The following UNC13C variants were observed in gnomAD, a reference collection of about 807,000 sequenced individuals.
UNC13C encodes protein unc-13 homolog C.
UNC13C carries 174 observed loss-of-function variants against 245.4 expected under a neutral mutation model. The ratio of observed to expected loss-of-function variants is 0.71; its 90% CI spans 0.63 to 0.80. The LOEUF is 0.80. UNC13C is among the 30% of genes least tolerant of loss of function. The pLI is 0.00. For missense variants in UNC13C, 2,829 were observed against 2,602.9 expected, an observed-to-expected ratio of 1.09 and a Z score of -1.89; for synonymous variants, 992 against 895.1, an observed-to-expected ratio of 1.11 and a Z score of -1.93.
intron 20 of UNC13C, among the ~76,000 whole-genome samples, chr15:54,498,643 T>C (rs1409886410): frequency 6.6e-6 from 1 of 152,126 alleles, no homozygotes; most frequent in Non-Finnish European, 1.5e-5. Context: ...GAAAATCATA[T>C]ATAAATTGTA....
intron 4 of UNC13C, among the ~76,000 whole-genome samples, chr15:54,177,069 G>A (rs80251694): frequency 0.03 from 4,515 of 152,034 alleles, 225 homozygotes; most frequent in African/African-American, 0.1. Context: ...CTAGAAATCT[G>A]AAAACCTAAA....
the UNC13C span, among the ~76,000 whole-genome samples, chr15:53,878,282 T>A: frequency 6.6e-6 from 1 of 152,186 alleles, no homozygotes; most frequent in Non-Finnish European, 1.5e-5. Context: ...AAGCTGTGCC[T>A]TCTGAATCCA....
intron 15 of UNC13C, among the ~76,000 whole-genome samples, chr15:54,332,989 C>A (rs939168423): frequency 2.0e-5 from 3 of 151,884 alleles, no homozygotes; most frequent in Non-Finnish European, 4.4e-5. Context: ...AACCATTAAG[C>A]CATTGAGAGA....
At chr15:54,415,254 T>A (rs955213219) in intron 19 of UNC13C, among the ~76,000 whole-genome samples, 187 bp downstream of exon 19, 1 of 152,100 alleles carries the variant, frequency 6.6e-6, no homozygotes, top group African/African-American at 2.4e-5. Context: ...CCTAAAGAAG[T>A]ATATACATTT....
intron 2 of UNC13C, among the ~76,000 whole-genome samples, chr15:54,102,215 T>C (rs1900201051): frequency 6.6e-6 from 1 of 152,010 alleles, no homozygotes; most frequent in African/African-American, 2.4e-5. Flanking sequence ...TAGTAGGTTT[T>C]CTTTCATGTG....
chr15:54,285,151 G>A (rs925323183), intron 10 of UNC13C, among the ~76,000 whole-genome samples: 1 of 151,682 alleles, frequency 6.6e-6, no homozygotes, highest in Non-Finnish European at 1.5e-5. Flanking sequence ...TTCCTTTCTT[G>A]TTCTTATTTT....
intron 16 of UNC13C, 140 bp downstream of exon 16, chr15:54,333,996 G>T: frequency 1.7e-6 from 1 of 577,700 alleles, no homozygotes. Context: ...GCCTGAACTC[G>T]ATGAATCTTC....
intron 30 of UNC13C, among the ~76,000 whole-genome samples, chr15:54,573,385 A>C (rs769158290): frequency 6.6e-6 from 1 of 152,226 alleles, no homozygotes; most frequent in African/African-American, 2.4e-5. Context: ...TATTGGAAAA[A>C]CAGTCTTCTC....
At chr15:54,086,618 G>C (rs1326609871) in intron 2 of UNC13C, among the ~76,000 whole-genome samples, 1 of 152,002 alleles carries the variant, frequency 6.6e-6, no homozygotes, top group Non-Finnish European at 1.5e-5. Context: ...GAGTGAAATG[G>C]CGAAAAACAG....
chr15:54,003,328 G>T (rs1479323256), intron 1 of UNC13C, among the ~76,000 whole-genome samples: 1 of 152,158 alleles, frequency 6.6e-6, no homozygotes. Flanking sequence ...CCTGTATTCT[G>T]CTCTCTGTGC....
intron 19 of UNC13C, among the ~76,000 whole-genome samples, chr15:54,478,059 T>C (rs1892874694): frequency 6.6e-6 from 1 of 151,780 alleles, no homozygotes; most frequent in African/African-American, 2.4e-5. Context: ...TGTCGAGGAA[T>C]TTATCCGTGT....
intron 18 of UNC13C, among the ~76,000 whole-genome samples, chr15:54,395,168 C>T (rs561908148): frequency 4.6e-4 from 70 of 151,712 alleles, no homozygotes; most frequent in Non-Finnish European, 7.5e-4. Context: ...TACTGAAGAT[C>T]GTTCAATTTA....
In UNC13C at chr15:54,470,815, A is replaced by G. The variant is rs1333701397; in HGVS notation, c.4934-23793A>G. ...TGCATTTAGTTTATCCTTGTTTTTT[A>G]GTTACTTGAGATGTAACTTTTTTTT... On this transcript the variant is annotated intron_variant, in intron 19 of 32. Coordinates refer to ENST00000260323, the MANE Select transcript of UNC13C (RefSeq NM_001080534.3). Among the ~76,000 whole-genome samples the G allele has an allele frequency of 2.7e-5, 4 of 150,444 alleles. No individual in the cohort carries two copies. The East Asian group carries it at 5.9e-4, about 22-fold the overall frequency.
In UNC13C at chr15:54,216,325, A is replaced by G. The variant is rs118146353; in HGVS notation, c.3072-18705A>G. On this transcript the variant is annotated intron_variant, in intron 4 of 32. Transcript: ENST00000260323. ...GCATTTTTTAGGTTGCTTCAATTCT[A>G]TAACTCAGATTAGCTGTTATTTAGT... Among the ~76,000 whole-genome samples the G allele has an allele frequency of 1.3e-3, 194 of 152,142 alleles. 4 individuals carry two copies. In the East Asian group the frequency reaches 0.032, roughly 25 times the overall value.
intron 4 of UNC13C, among the ~76,000 whole-genome samples, chr15:54,226,569 A>T (rs984396388): frequency 1.3e-5 from 2 of 152,166 alleles, no homozygotes; most frequent in East Asian, 1.9e-4. Flanking sequence ...TGCCCCAGCC[A>T]ACTGTGCTTG....
intron 2 of UNC13C, among the ~76,000 whole-genome samples, chr15:54,055,068 T>C (rs1897448405): frequency 6.6e-6 from 1 of 152,216 alleles, no homozygotes; most frequent in Admixed American, 6.5e-5. Context: ...GGGGTCAAGC[T>C]TGATCATGCT....
At chr15:53,901,427 T>G in the UNC13C span, among the ~76,000 whole-genome samples, 1 of 151,866 alleles carries the variant, frequency 6.6e-6, no homozygotes, top group Non-Finnish European at 1.5e-5. Context: ...GGTTTCACTG[T>G]GTTAGCCAGG....
At chr15:54,018,406 A>G (rs971104635) in intron 2 of UNC13C, among the ~76,000 whole-genome samples, 3 of 152,202 alleles carry the variant, frequency 2.0e-5, no homozygotes, top group Non-Finnish European at 2.9e-5. Context: ...ACACATTTGA[A>G]TTATTTATTT....
At chr15:54,100,951 G>C (rs1230909828) in intron 2 of UNC13C, among the ~76,000 whole-genome samples, 2 of 152,046 alleles carry the variant, frequency 1.3e-5, no homozygotes, top group East Asian at 3.9e-4. Flanking sequence ...TACACATATA[G>C]TAAAGTGCAT....
Sources: allele counts gnomAD v4.1 joint callset (sites outside exome capture counted in the v4.1 genomes callset), GRCh38; gene constraint gnomAD v4.1.1; transcripts MANE v1.5; gene names NCBI Gene and HGNC (gene_info 2026-07-23, HGNC 2026-07-21).